Variants in RTN3 observed in about 807,000 individuals in gnomAD.
The protein encoded by RTN3 is reticulon-3.
RTN3 carries 49 observed loss-of-function variants against 77.8 expected under a neutral mutation model. The observed-to-expected ratio is 0.63, with a 90% CI of 0.50 to 0.80. The LOEUF is 0.80. Among genes scored for constraint, RTN3 ranks in the 30% least tolerant of loss-of-function variants. The pLI is 0.00. For synonymous variants in RTN3, 464 were observed against 446.9 expected, an observed-to-expected ratio of 1.04 and a Z score of -0.48; for missense variants, 1,236 against 1,211.9, an observed-to-expected ratio of 1.02 and a Z score of -0.29.
At chr11:63,702,285 T>TTTTTGG (rs1010835462) in intron 1 of RTN3, among the ~76,000 whole-genome samples, 3 of 151,830 alleles carry the variant, frequency 2.0e-5, no homozygotes, top group Non-Finnish European at 4.4e-5. Context: ...TTTTTTTGTG[T>TTTTTGG]TTTTGGTTTT....
chr11:63,686,980 C>T (rs1451461699), intron 1 of RTN3, among the ~76,000 whole-genome samples: 2 of 152,374 alleles, frequency 1.3e-5, no homozygotes, highest in East Asian at 3.9e-4. Flanking sequence ...TTTCCTCACT[C>T]ATGAAACTTA....
intron 3 of RTN3, among the ~76,000 whole-genome samples, chr11:63,734,761 A>G (rs1274479629): frequency 6.7e-6 from 1 of 150,292 alleles, no homozygotes; most frequent in Non-Finnish European, 1.5e-5. Flanking sequence ...ACACACACAC[A>G]CACACACACA....
intron 1 of RTN3, among the ~76,000 whole-genome samples, chr11:63,694,597 G>A (rs952776879): frequency 6.6e-5 from 10 of 151,560 alleles, no homozygotes; most frequent in African/African-American, 1.7e-4. Context: ...CTCAGCCTCC[G>A]GAGTAGCTAG....
intron 3 of RTN3, among the ~76,000 whole-genome samples, chr11:63,725,388 T>C (rs924123033): frequency 2.0e-5 from 3 of 152,122 alleles, no homozygotes; most frequent in East Asian, 3.8e-4. Flanking sequence ...TTAGATTCTT[T>C]CCTATTTTTT....
intron 1 of RTN3, among the ~76,000 whole-genome samples, chr11:63,696,104 A>C (rs901692850): frequency 3.9e-5 from 6 of 151,980 alleles, no homozygotes; most frequent in Non-Finnish European, 4.4e-5. Context: ...AAAAAAAAAA[A>C]AAAACCTATT....
intron 3 of RTN3, among the ~76,000 whole-genome samples, chr11:63,738,273 G>A (rs2013260494): frequency 1.3e-5 from 2 of 151,958 alleles, no homozygotes; most frequent in South Asian, 2.1e-4. Flanking sequence ...AGTGTTCTTA[G>A]GGATGTGTTA....
chr11:63,735,027 A>AT (rs2012990001), intron 3 of RTN3, among the ~76,000 whole-genome samples: 1 of 151,912 alleles, frequency 6.6e-6, no homozygotes, highest in Non-Finnish European at 1.5e-5. Context: ...AAATTTGACA[A>AT]TAAAAAAAAA....
In RTN3 at chr11:63,717,972, G is replaced by T. The variant is rs576695283; in HGVS notation, c.200-730G>T. The stretch of plus-strand genomic sequence containing the variant: ...GGAGGTTGCAGTGAGCTGAGATTGC[G>T]CCATTGCACTTCAGCCTGGGCAACA... On this transcript the variant is annotated intron_variant, in intron 2 of 8. Coordinates refer to ENST00000377819, the MANE Select transcript of RTN3 (RefSeq NM_001265589.2). Among the ~76,000 whole-genome samples the T allele has an allele frequency of 2.0e-5, 3 of 147,882 alleles. No individual in the cohort carries two copies. The Admixed American group carries it at 2.0e-4, about 10-fold the overall frequency.
In RTN3 at chr11:63,759,228, C is replaced by T. The variant is rs888822470; in HGVS notation, c.*1027C>T. 7.9e-5 allele frequency: 12 copies of T among 152,124 alleles called. No individual in the cohort carries two copies. Among genetic ancestry groups the T allele is most frequent in the African/African-American group, 2.9e-4 (12 of 41,398 alleles). The allele number at this position is 152,124 out of a possible 1,614,324, so 9.4% of individuals were successfully genotyped here. ...GATCTTTTCCCGAGATTCAAATCTCCGATTCCCATTTGGGGGCAAGTTTTT... is the reference window on the plus strand; with the variant it reads ...GATCTTTTCCCGAGATTCAAATCTCTGATTCCCATTTGGGGGCAAGTTTTT... On this transcript the variant is annotated 3_prime_UTR_variant, in exon 9 of 9. Coordinates refer to ENST00000377819, the MANE Select transcript of RTN3 (RefSeq NM_001265589.2).
chr11:63,713,593 G>A (rs2011228201), intron 2 of RTN3, among the ~76,000 whole-genome samples: 1 of 152,122 alleles, frequency 6.6e-6, no homozygotes, highest in Admixed American at 6.6e-5. Flanking sequence ...TTACAGGCAT[G>A]AGCCACCACA....
At chr11:63,746,969 T>C in intron 3 of RTN3, 3 of 456,112 alleles carry the variant, frequency 6.6e-6, no homozygotes, top group Non-Finnish European at 1.3e-5. Context: ...GATCACACTT[T>C]GTGCCTCATC....
Position 63,750,043 on chromosome 11 carries a change from C to G in RTN3, c.2583C>G (p.Gly861=), listed in dbSNP as rs757766946. ...RDVKKTGFVF[G]TTLIMLLSLA... ...TGAAGAAGACTGGGTTTGTCTTTGGCACCACGCTGATCATGCTGCTTTCCC... is the reference window on the plus strand; with the variant it reads ...TGAAGAAGACTGGGTTTGTCTTTGGGACCACGCTGATCATGCTGCTTTCCC... The change falls in exon 4 of 9, where the codon GGC becomes GGG. Residue 861 remains glycine, a synonymous_variant. Transcript: ENST00000377819. 6.2e-7 allele frequency: 1 copy of G among 1,613,874 alleles called. No homozygotes were observed. Among genetic ancestry groups the G allele is most frequent in the South Asian group, 1.1e-5 (1 of 91,070 alleles).
Position 63,719,127 on chromosome 11 carries a change from A to G in RTN3, c.625A>G (p.Thr209Ala). 1 of 1,614,198 alleles carries G rather than the reference A, an allele frequency of 6.2e-7. No homozygotes were observed. Among genetic ancestry groups the G allele is most frequent in the Middle Eastern group, 1.6e-4 (1 of 6,062 alleles). Residue 209 changes from threonine (T) to alanine (A), a missense_variant, in exon 3 of 9, where the codon ACA becomes GCA. Coordinates refer to ENST00000377819, the MANE Select transcript of RTN3 (RefSeq NM_001265589.2). ...LDADDRFTLL[T>A]AQKPPTEYSK... ...TGCTGATGACAGATTCACTTTGCTG[A>G]CAGCCCAGAAACCACCTACTGAGTA...
At chr11:63,688,112 A>G (rs1941464852) in intron 1 of RTN3, among the ~76,000 whole-genome samples, 1 of 152,240 alleles carries the variant, frequency 6.6e-6, no homozygotes, top group Non-Finnish European at 1.5e-5. Context: ...AACCCCTTTC[A>G]GCACAGAGGC....
intron 1 of RTN3, among the ~76,000 whole-genome samples, chr11:63,699,305 CAA>C (rs111283974): frequency 4.7e-5 from 6 of 127,646 alleles, no homozygotes; most frequent in African/African-American, 5.8e-5. Flanking sequence ...GACTCCTTCT[CAA>C]AAAAAAAAAA....
At chr11:63,683,392 G>A (rs1172567097) in intron 1 of RTN3, among the ~76,000 whole-genome samples, 1 of 152,078 alleles carries the variant, frequency 6.6e-6, no homozygotes. Flanking sequence ...TACCTTTTGG[G>A]TTTTCTTGAT....
chr11:63,755,651 C>CA (rs776039864), intron 7 of RTN3, among the ~76,000 whole-genome samples: 1,119 of 17,026 alleles, frequency 0.066, 96 homozygotes, highest in Middle Eastern at 0.1. Context: ...AATTCCATCT[C>CA]AAAAAAAAAA....
At chr11:63,691,438 A>G (rs1941653635) in intron 1 of RTN3, among the ~76,000 whole-genome samples, 1 of 151,826 alleles carries the variant, frequency 6.6e-6, no homozygotes, top group Non-Finnish European at 1.5e-5. Flanking sequence ...TTTTATTTTG[A>G]TAGAGACGAG....
chr11:63,720,776 G>A lies in RTN3; in HGVS notation c.2274G>A (p.Lys758=). 1 of 1,614,128 alleles carries A rather than the reference G, an allele frequency of 6.2e-7. No homozygotes were observed. The highest frequency in any genetic ancestry group is 8.5e-7 in the Non-Finnish European group (1 of 1,180,030). Residue 758 remains lysine (K), a synonymous_variant, in exon 3 of 9, where the codon AAG becomes AAA. Coordinates refer to ENST00000377819, the MANE Select transcript of RTN3 (RefSeq NM_001265589.2). ...AATTAGGTGAAAGACAGGTTGAGAAGTCAACTTCTGCACAGCGTGACGCAG... is the reference window on the plus strand; with the variant it reads ...AATTAGGTGAAAGACAGGTTGAGAAATCAACTTCTGCACAGCGTGACGCAG... ...LKELGERQVE[K]STSAQRDAEL... is the part of the protein sequence containing the mutation.
Sources: gnomAD v4.1 joint callset for allele counts (sites outside exome capture counted in the v4.1 genomes callset) on GRCh38, gnomAD v4.1.1 for gene constraint, MANE v1.5 for transcripts, NCBI Gene and HGNC (gene_info 2026-07-23, HGNC 2026-07-21) for gene names.